The following SCGB2B2 variants were observed in gnomAD, a reference collection of about 807,000 sequenced individuals.
SCGB2B2 encodes the protein secretoglobin-like protein.
SCGB2B2 carries 11 observed loss-of-function variants against 7.6 expected under a neutral mutation model. The observed-to-expected ratio is 1.45, with a 90% CI of 0.91 to 2.40. The LOEUF is 2.40. SCGB2B2 is among the 30% of genes most tolerant of loss of function. The pLI is 0.00. For synonymous variants in SCGB2B2, 50 were observed against 48.6 expected (o/e 1.03, Z -0.12); for missense variants, 104 against 115.4 (o/e 0.90, Z 0.45).
At chr19:34,673,581 C>T (rs2067852942) in intron 1 of SCGB2B2, among the ~76,000 whole-genome samples, 1 of 152,104 alleles carries the variant, frequency 6.6e-6, no homozygotes, top group East Asian at 1.9e-4. Flanking sequence ...ATATAGGGGT[C>T]TTATCTATGA....
At chr19:34,665,685 G>GTA (rs1221204777) in intron 1 of SCGB2B2, among the ~76,000 whole-genome samples, 11 of 152,186 alleles carry the variant, frequency 7.2e-5, no homozygotes, top group Non-Finnish European at 1.6e-4. Context: ...GCTGATGGGA[G>GTA]TGAGAGGTGA....
At chr19:34,666,416 C>T (rs1015440210) in intron 1 of SCGB2B2, among the ~76,000 whole-genome samples, 11 of 152,290 alleles carry the variant, frequency 7.2e-5, no homozygotes, top group South Asian at 4.1e-4. Context: ...CCAAGCCTCT[C>T]GCCCCACATA....
At chr19:34,597,309 C>T (rs12978325) in intron 1 of SCGB2B2, among the ~76,000 whole-genome samples, 1 of 152,172 alleles carries the variant, frequency 6.6e-6, no homozygotes, top group East Asian at 1.9e-4. Context: ...GTATCCTCAC[C>T]TGCATGACAT....
rs2145728709 is a variant in SCGB2B2, at chr19:34,592,890, C to G, written c.*665G>C. 6.6e-6 allele frequency among the ~76,000 whole-genome samples: 1 copy of G among 152,218 alleles called. No individual in the cohort carries two copies. Among genetic ancestry groups the G allele is most frequent in the Non-Finnish European group, 1.5e-5 (1 of 68,010 alleles). ...TAGCCAGGAGGGTGTGATTTCCCAGCCTCCAGCATCCCGAGTCCTGGGGAG... is the reference window on the plus strand; with the variant it reads ...TAGCCAGGAGGGTGTGATTTCCCAGGCTCCAGCATCCCGAGTCCTGGGGAG... On this transcript the variant is annotated 3_prime_UTR_variant, in exon 4 of 4. Transcript: ENST00000601241.
chr19:34,627,093 G>C (rs2066398457), intron 1 of SCGB2B2, among the ~76,000 whole-genome samples: 1 of 152,096 alleles, frequency 6.6e-6, no homozygotes, highest in Non-Finnish European at 1.5e-5. Flanking sequence ...TGCCCTACAA[G>C]AGCTCCTGAA....
At chr19:34,600,638 T>A (rs1425097596) in intron 1 of SCGB2B2, among the ~76,000 whole-genome samples, 1 of 152,176 alleles carries the variant, frequency 6.6e-6, no homozygotes, top group African/African-American at 2.4e-5. Context: ...GTAATGAGGT[T>A]GAGGCCTCTT....
In SCGB2B2 at chr19:34,595,670, A is replaced by G. The variant is rs1019987170; in HGVS notation, c.-1107T>C. 2.0e-5 allele frequency: 3 copies of G among 152,136 alleles called. No homozygotes were observed. Among genetic ancestry groups the G allele is most frequent in the Non-Finnish European group, 4.4e-5 (3 of 68,036 alleles). The allele number at this position is 152,136 out of a possible 1,614,324, so 9.4% of individuals were successfully genotyped here. On this transcript the variant is annotated 5_prime_UTR_variant, in exon 2 of 4. Coordinates refer to ENST00000601241, the MANE Select transcript of SCGB2B2 (RefSeq NM_001025591.4). ...GTGGCTTTCCACAACTTATTCCCGT[A>G]TTTTTATGGCCAGTTTATACAGGCA... is the stretch of plus-strand genomic sequence containing the variant.
At chr19:34,614,123 G>T (rs1438020523) in intron 1 of SCGB2B2, among the ~76,000 whole-genome samples, 1 of 151,880 alleles carries the variant, frequency 6.6e-6, no homozygotes, top group Non-Finnish European at 1.5e-5. Context: ...ATCTTTTTTG[G>T]GGCCTTGGAT....
intron 1 of SCGB2B2, among the ~76,000 whole-genome samples, chr19:34,630,598 A>T (rs1452524392): frequency 1.3e-5 from 2 of 151,938 alleles, no homozygotes; most frequent in Non-Finnish European, 2.9e-5. Flanking sequence ...GGCGATCATT[A>T]AAAAGCCAGG....
chr19:34,642,986 G>A (rs1163869557), intron 1 of SCGB2B2, among the ~76,000 whole-genome samples: 1 of 152,126 alleles, frequency 6.6e-6, no homozygotes, highest in Non-Finnish European at 1.5e-5. Context: ...CAGTCACTAT[G>A]GAAAACAGTA....
chr19:34,652,107 T>C (rs1226533223), intron 1 of SCGB2B2, among the ~76,000 whole-genome samples: 2 of 151,008 alleles, frequency 1.3e-5, no homozygotes, highest in East Asian at 3.9e-4. Context: ...GACCCCTATC[T>C]CTCATTATAT....
intron 1 of SCGB2B2, among the ~76,000 whole-genome samples, chr19:34,664,493 A>T (rs1275275477): frequency 1.3e-5 from 2 of 152,186 alleles, no homozygotes; most frequent in African/African-American, 2.4e-5. Flanking sequence ...GCTCAAGGCC[A>T]GGTGCCTGTG....
intron 1 of SCGB2B2, chr19:34,645,513 C>A (rs1422120544): frequency 5.7e-5 from 2 of 35,334 alleles, no homozygotes; most frequent in Non-Finnish European, 1.2e-4. Context: ...CACAGACACA[C>A]AGACACACAC....
Position 34,591,155 on chromosome 19 carries a change from C to T in SCGB2B2, c.*2400G>A, listed in dbSNP as rs1467752129. 1.3e-5 allele frequency among the ~76,000 whole-genome samples: 2 copies of T among 152,206 alleles called. No homozygotes were observed. The highest frequency in any genetic ancestry group is 2.4e-5 in the African/African-American group (1 of 41,452). ...GCGTCTCACACCCCCTGTGTCCCGTCCTCCTGGATAGCTAATGGATGTCTT... is the reference window on the plus strand; with the variant it reads ...GCGTCTCACACCCCCTGTGTCCCGTTCTCCTGGATAGCTAATGGATGTCTT... On this transcript the variant is annotated 3_prime_UTR_variant, in exon 4 of 4. Transcript: ENST00000601241.
At chr19:34,602,111 ATTATT>A (rs1195121297) in intron 1 of SCGB2B2, among the ~76,000 whole-genome samples, 2 of 152,154 alleles carry the variant, frequency 1.3e-5, no homozygotes, top group Non-Finnish European at 2.9e-5. Flanking sequence ...TTAAGGATAT[ATTATT>A]TTATTTCTGT....
chr19:34,614,727 T>C (rs1261264359), intron 1 of SCGB2B2, among the ~76,000 whole-genome samples: 1 of 152,238 alleles, frequency 6.6e-6, no homozygotes, highest in African/African-American at 2.4e-5. Context: ...GGTGGAACAA[T>C]TGCTTCTTTC....
intron 1 of SCGB2B2, among the ~76,000 whole-genome samples, chr19:34,670,718 G>C (rs933605852): frequency 6.6e-6 from 1 of 152,186 alleles, no homozygotes; most frequent in Non-Finnish European, 1.5e-5. Flanking sequence ...TCGCATAGCA[G>C]AAATGTTTAC....
At chr19:34,610,768 G>GTTTTT (rs548680772) in intron 1 of SCGB2B2, among the ~76,000 whole-genome samples, 14 of 139,684 alleles carry the variant, frequency 1.0e-4, no homozygotes, top group Non-Finnish European at 1.7e-4. Context: ...TTGGCCTATA[G>GTTTTT]TTTTTTTTTT....
At position 34,654,046 on chromosome 19, in the gene SCGB2B2, T is replaced by C. The variant is rs146759617; in HGVS notation, c.-2032+21584A>G. On this transcript the variant is annotated intron_variant, in intron 1 of 3. Transcript: ENST00000601241. Reference sequence around the variant, plus strand: ...CTTTATCTCTTAGAAGATCACATGATGTTGGTTGTGAGATGTGTTCATTAT... The same window carrying C: ...CTTTATCTCTTAGAAGATCACATGACGTTGGTTGTGAGATGTGTTCATTAT... Among the ~76,000 whole-genome samples, 309 of 151,216 alleles carry C rather than the reference T, an allele frequency of 2.0e-3. 7 individuals carry two copies. In the East Asian group the frequency reaches 0.022, roughly 11 times the overall value.
Sources: gnomAD v4.1 joint callset for allele counts (sites outside exome capture counted in the v4.1 genomes callset) on GRCh38, gnomAD v4.1.1 for gene constraint, MANE v1.5 for transcripts, NCBI Gene and HGNC (gene_info 2026-07-23, HGNC 2026-07-21) for gene names.